Variants in DNMBP observed in about 807,000 individuals in gnomAD.
The protein encoded by DNMBP is dynamin binding protein, also known as dynamin-binding protein.
A neutral mutation model predicts 150.0 loss-of-function variants in DNMBP; 87 were observed. The observed-to-expected ratio is 0.58, with a 90% CI of 0.49 to 0.69. The LOEUF is 0.69. Ranked by LOEUF, DNMBP falls within the 30% of genes least tolerant of loss-of-function variation. The probability of loss-of-function intolerance (pLI) is 0.00; values close to 1 mark genes in which losing one functional copy is unlikely to be tolerated. For missense variants in DNMBP, 1,774 were observed against 1,949.0 expected (o/e 0.91, Z 1.69); for synonymous variants, 711 against 750.4 (o/e 0.95, Z 0.86).
rs2040650826 is a variant in DNMBP, at chr10:99,969,193, G to T, written c.190C>A (p.Leu64Ile). The change falls in exon 3 of 17, where the codon CTA becomes ATA. Residue 64 changes from leucine to isoleucine, a missense_variant. Physicochemically the swap from Leu to Ile is conservative, Grantham distance 5. This residue lies in a region of DNMBP where 344 missense variants were observed against 456.6 expected (regional missense o/e 0.75). Coordinates refer to ENST00000324109, the MANE Select transcript of DNMBP (RefSeq NM_015221.4). ...SFVEIVTIPS[L>I]KEGERLFVCI... ...ACAAACAGCCTCTCTCCCTCTTTTA[G>T]ACTGGGAATGGTCACAATTTCCACA... 6.2e-7 allele frequency: 1 copy of T among 1,613,884 alleles called. No individual in the cohort carries two copies. The highest frequency in any genetic ancestry group is 8.5e-7 in the Non-Finnish European group (1 of 1,179,904).
intron 4 of DNMBP, among the ~76,000 whole-genome samples, chr10:99,914,536 C>G (rs573216628): frequency 6.6e-6 from 1 of 152,070 alleles, no homozygotes; most frequent in African/African-American, 2.4e-5. Flanking sequence ...AGGCAATGAA[C>G]CCTAAAGCCA....
At chr10:99,896,218 C>T in intron 10 of DNMBP, 49 bp downstream of exon 10, 1 of 1,600,948 alleles carries the variant, frequency 6.2e-7, no homozygotes, top group Non-Finnish European at 8.5e-7. Context: ...TCATGGAGCC[C>T]TGAAAAGCTG....
At chr10:99,967,047 T>C (rs1229733483) in intron 3 of DNMBP, among the ~76,000 whole-genome samples, 3 of 151,426 alleles carry the variant, frequency 2.0e-5, no homozygotes, top group African/African-American at 7.3e-5. Flanking sequence ...TACTCTTGCC[T>C]TTGGCCTCCC....
At chr10:99,886,261 CTATAGA>C in intron 13 of DNMBP, 33 bp downstream of exon 13, 1 of 1,534,458 alleles carries the variant, frequency 6.5e-7, no homozygotes, top group Non-Finnish European at 8.9e-7. Context: ...CAGGCAAAGG[CTATAGA>C]TGACCATCCC....
chr10:99,885,668 C>A lies in DNMBP; in HGVS notation c.3798+19G>T. The A allele has an allele frequency of 6.5e-7, 1 of 1,547,700 alleles. No individual in the cohort carries two copies. The stretch of plus-strand genomic sequence containing the variant: ...TCTTTACCCCGAGGCGGGGCTGCTG[C>A]TCTCAGTTCCCTACTCACCAGGCCC... On this transcript the variant is annotated intron_variant, in intron 14 of 16. Transcript: ENST00000324109.
At chr10:99,932,049 A>G (rs80006396) in intron 4 of DNMBP, among the ~76,000 whole-genome samples, 2,555 of 152,346 alleles carry the variant, frequency 0.017, 37 homozygotes, top group African/African-American at 0.037. Context: ...TGTCAATGAC[A>G]TTTATTTTAT....
chr10:99,999,557 G>A (rs1190194215), intron 1 of DNMBP, among the ~76,000 whole-genome samples: 4 of 152,130 alleles, frequency 2.6e-5, no homozygotes, highest in Admixed American at 6.5e-5. Context: ...CTAAAAATAG[G>A]TGAGTACACT....
intron 3 of DNMBP, among the ~76,000 whole-genome samples, chr10:99,965,562 A>G (rs1397463561): frequency 1.3e-5 from 2 of 150,908 alleles, no homozygotes; most frequent in Admixed American, 6.6e-5. Flanking sequence ...CAGTGGCGCA[A>G]TCTTGGCTCT....
Position 99,896,306 on chromosome 10 carries a change from A to C in DNMBP, c.3012T>G (p.Val1004=). 1 of 1,614,180 alleles carries C rather than the reference A, an allele frequency of 6.2e-7. No individual in the cohort carries two copies. Residue 1004 remains valine (V), a synonymous_variant, in exon 10 of 17, where the codon GTT becomes GTG. Coordinates refer to ENST00000324109, the MANE Select transcript of DNMBP (RefSeq NM_015221.4). ...CAGTGAGATGCTTCAGGTGACTGCT[A>C]ACTCGGTTGGATTTCTTGATGATGG... is the stretch of plus-strand genomic sequence containing the variant. The part of the protein sequence containing the change: ...IHSIIKKSNR[V]SSHLKHLTGF...
At chr10:99,972,625 C>T (rs190264584) in intron 1 of DNMBP, among the ~76,000 whole-genome samples, 3 of 149,652 alleles carry the variant, frequency 2.0e-5, no homozygotes, top group South Asian at 2.1e-4. Context: ...TTTTGGGGGC[C>T]GGGGGAAACA....
chr10:99,962,434 A>G (rs2040574526), intron 3 of DNMBP, among the ~76,000 whole-genome samples: 1 of 152,212 alleles, frequency 6.6e-6, no homozygotes, highest in Non-Finnish European at 1.5e-5. Context: ...GATTGAGACC[A>G]TCCTGGCTAA....
chr10:99,992,590 G>T lies in DNMBP; in HGVS notation c.-11+17248C>A, dbSNP rs568171350. ...CACCCAGGCTGGAGTGCGGTGGCGT[G>T]ATCTCGGCTCACTGCAAGCTCCACC... On this transcript the variant is annotated intron_variant, in intron 1 of 16. Coordinates refer to ENST00000324109, the MANE Select transcript of DNMBP (RefSeq NM_015221.4). Among the ~76,000 whole-genome samples the T allele has an allele frequency of 4.0e-5, 6 of 148,336 alleles. No homozygotes were observed. The South Asian group carries it at 1.1e-3, about 27-fold the overall frequency.
Position 99,889,994 on chromosome 10 carries a change from T to C in DNMBP, c.3157-1041A>G, listed in dbSNP as rs148466213. Reference sequence around the variant, plus strand: ...ATGCTACTGATCATCACAACCTGGTTTCCCATTCCTAAGCAAAGTCCCTAA... The same window carrying C: ...ATGCTACTGATCATCACAACCTGGTCTCCCATTCCTAAGCAAAGTCCCTAA... On this transcript the variant is annotated intron_variant, in intron 11 of 16. Transcript: ENST00000324109. 4.5e-3 allele frequency among the ~76,000 whole-genome samples: 691 copies of C among 152,326 alleles called. 4 individuals carry two copies. The highest frequency in any genetic ancestry group is 0.014 in the African/African-American group (593 of 41,570).
intron 15 of DNMBP, among the ~76,000 whole-genome samples, chr10:99,880,743 C>T (rs2039354609): frequency 6.6e-6 from 1 of 152,166 alleles, no homozygotes; most frequent in Non-Finnish European, 1.5e-5. Context: ...TGAGATCATG[C>T]CTAAGAGGAA....
Position 99,886,323 on chromosome 10 carries a change from C to T in DNMBP, c.3595G>A (p.Glu1199Lys), listed in dbSNP as rs759290088. ...AHCDFVHQAL[E>K]QLKPLLSLLK... ...ACCGAAAGCAGTGGCTTTAATTGCT[C>T]CAGAGCCTGGTGCACAAAGTCACAG... Residue 1199 changes from glutamate to lysine, a missense_variant, in exon 13 of 17, where the codon GAG becomes AAG. Around this residue, in one of 2 missense-constraint regions of DNMBP, gnomAD observed 1,430 missense variants for 1,492.5 expected, o/e 0.96. Transcript: ENST00000324109. 2 of 1,613,618 alleles carry T rather than the reference C, an allele frequency of 1.2e-6. No individual in the cohort carries two copies. The highest frequency in any genetic ancestry group is 1.6e-4 in the Middle Eastern group (1 of 6,062).
chr10:99,983,783 T>A (rs1354444555), intron 1 of DNMBP, among the ~76,000 whole-genome samples: 14 of 152,226 alleles, frequency 9.2e-5, no homozygotes, highest in Admixed American at 9.2e-4. Context: ...AGTAAAGGAA[T>A]CTGCTGTCCT....
Position 99,955,755 on chromosome 10 carries a change from A to C in DNMBP, c.1719T>G (p.Ile573Met), listed in dbSNP as rs761151458. ...AGTCCATGATTGAAAAGTGGCGTAA[A>C]ATTTTATCTGGCTCTGTGCCGGGCC... ...LAGPGTEPDKILRHFSIMDFN... is the reference protein window; with the variant it reads ...LAGPGTEPDKMLRHFSIMDFN... The change falls in exon 4 of 17, where the codon ATT (isoleucine) becomes ATG (methionine). Residue 573 changes from isoleucine to methionine, a missense_variant. By Grantham distance (10) the Ile-to-Met change is conservative. Around this residue, in one of 2 missense-constraint regions of DNMBP, gnomAD observed 1,430 missense variants for 1,492.5 expected, o/e 0.96. Coordinates refer to ENST00000324109, the MANE Select transcript of DNMBP (RefSeq NM_015221.4). 2.5e-6 allele frequency: 4 copies of C among 1,614,066 alleles called. No individual in the cohort carries two copies.
At chr10:99,952,412 G>A (rs185547251) in intron 4 of DNMBP, among the ~76,000 whole-genome samples, 20 of 152,270 alleles carry the variant, frequency 1.3e-4, no homozygotes, top group Admixed American at 7.2e-4. Context: ...TTCTTTTTCA[G>A]GGACTCTGAA....
chr10:99,923,911 C>CA (rs1554864258), intron 4 of DNMBP, among the ~76,000 whole-genome samples: 4 of 152,320 alleles, frequency 2.6e-5, no homozygotes, highest in African/African-American at 9.6e-5. Context: ...CCCAGCACTT[C>CA]GGGGGCCGAG....
Sources: allele counts gnomAD v4.1 joint callset (sites outside exome capture counted in the v4.1 genomes callset), GRCh38; gene constraint gnomAD v4.1.1; regional missense constraint gnomAD v4.1.1; transcripts MANE v1.5; gene names NCBI Gene and HGNC (gene_info 2026-07-23, HGNC 2026-07-21).